Variants in PPP1R12B observed in about 807,000 individuals in gnomAD.
PPP1R12B encodes the protein myosin phosphatase target subunit 2.
Under a neutral mutation model 126.1 loss-of-function variants are expected in PPP1R12B, and 76 were observed. That is an observed-to-expected ratio of 0.60 (90% confidence interval 0.50 to 0.73). The LOEUF (loss-of-function observed/expected upper bound fraction) is 0.73, where lower values mean the gene tolerates loss of function less well. Ranked by LOEUF, PPP1R12B falls within the 30% of genes least tolerant of loss-of-function variation. The pLI, the probability that PPP1R12B is intolerant of heterozygous loss-of-function variation, is 0.00. For missense variants in PPP1R12B, 1,052 were observed against 1,205.1 expected, an observed-to-expected ratio of 0.87 and a Z score of 1.88; for synonymous variants, 356 against 434.7, an observed-to-expected ratio of 0.82 and a Z score of 2.25.
intron 13 of PPP1R12B, among the ~76,000 whole-genome samples, chr1:202,467,962 C>G (rs1184683970): frequency 6.6e-6 from 1 of 152,160 alleles, no homozygotes; most frequent in East Asian, 1.9e-4. Context: ...ATTTGCATTT[C>G]TCTGATGGCC....
chr1:202,354,065 G>C (rs72748756), intron 1 of PPP1R12B, among the ~76,000 whole-genome samples: 3 of 152,214 alleles, frequency 2.0e-5, no homozygotes, highest in African/African-American at 4.8e-5. Context: ...GACCAGTCTT[G>C]TTGTTAACAT....
At chr1:202,467,247 A>G (rs1449179772) in intron 13 of PPP1R12B, among the ~76,000 whole-genome samples, 2 of 148,226 alleles carry the variant, frequency 1.3e-5, no homozygotes, top group African/African-American at 5.0e-5. Flanking sequence ...ATTATACTTT[A>G]AGTTTTAGGG....
chr1:202,538,010 CAG>C (rs151089148), intron 18 of PPP1R12B, among the ~76,000 whole-genome samples: 4,642 of 152,220 alleles, frequency 0.03, 184 homozygotes, highest in African/African-American at 0.096. Context: ...GTTTTTGAGA[CAG>C]AGTTTTGTTC....
intron 1 of PPP1R12B, among the ~76,000 whole-genome samples, chr1:202,403,049 CTG>C (rs1470597729): frequency 6.6e-6 from 1 of 152,096 alleles, no homozygotes; most frequent in Non-Finnish European, 1.5e-5. Context: ...TTCAACTTTT[CTG>C]TGTTTGAACA....
intron 21 of PPP1R12B, among the ~76,000 whole-genome samples, chr1:202,564,748 T>A (rs1173227033): frequency 2.0e-5 from 3 of 152,194 alleles, no homozygotes; most frequent in Non-Finnish European, 4.4e-5. Context: ...GATAATTCAG[T>A]GAACAATTCC....
At chr1:202,390,350 A>C (rs1663937394) in intron 1 of PPP1R12B, among the ~76,000 whole-genome samples, 1 of 152,240 alleles carries the variant, frequency 6.6e-6, no homozygotes, top group African/African-American at 2.4e-5. Context: ...AATGTTTTCC[A>C]TGACCTCGGA....
chr1:202,438,494 C>T, intron 10 of PPP1R12B: 1 of 407,716 alleles, frequency 2.5e-6, no homozygotes. Context: ...GTGGAGGATG[C>T]AGAGGGCGAG....
chr1:202,501,772 C>G (rs1558307196), intron 18 of PPP1R12B: 2 of 850,018 alleles, frequency 2.4e-6, no homozygotes, highest in Non-Finnish European at 2.8e-6. Context: ...CAGGGAACCT[C>G]TTTGTTTGAC....
chr1:202,399,976 A>G (rs555214285), intron 1 of PPP1R12B, among the ~76,000 whole-genome samples: 1 of 151,966 alleles, frequency 6.6e-6, no homozygotes, highest in South Asian at 2.1e-4. Flanking sequence ...CCCAATAGTT[A>G]GTTTTTCATC....
chr1:202,549,569 G>C (rs1213010886), intron 18 of PPP1R12B, among the ~76,000 whole-genome samples: 1 of 151,830 alleles, frequency 6.6e-6, no homozygotes, highest in African/African-American at 2.4e-5. Context: ...ACAGGTGCCC[G>C]CCACCACACC....
In PPP1R12B at chr1:202,416,981, A is replaced by C. The variant is rs552836093; in HGVS notation, c.422+64A>C. The stretch of plus-strand genomic sequence containing the variant: ...TAGGAATAGCCTTCATTTCTCCTCT[A>C]TTCTTAGGAATTTGAATTTTATAAA... On this transcript the variant is annotated intron_variant, in intron 2 of 23. Transcript: ENST00000608999. The C allele has an allele frequency of 1.2e-4, 172 of 1,481,836 alleles. 1 individual carries two copies. In the African/African-American group the frequency reaches 2.3e-3, roughly 20 times the overall value. The allele number at this position is 1,481,836 out of a possible 1,614,324, so 91.8% of individuals were successfully genotyped here.
Position 202,545,401 on chromosome 1 carries a change from T to C in PPP1R12B, c.2491-13476T>C, listed in dbSNP as rs55696124. 4.4e-3 allele frequency among the ~76,000 whole-genome samples: 672 copies of C among 152,334 alleles called. 1 individual carries two copies. The highest frequency in any genetic ancestry group is 0.016 in the African/African-American group (648 of 41,578). ...CTGGGGGAGATGGCATCTGAATTCT[T>C]GGTTTGTTGACCAGAGAGACTGGGA... On this transcript the variant is annotated intron_variant, in intron 18 of 23. Coordinates refer to ENST00000608999, the MANE Select transcript of PPP1R12B (RefSeq NM_002481.4).
At chr1:202,413,333 T>C (rs1245327879) in intron 1 of PPP1R12B, among the ~76,000 whole-genome samples, 1 of 152,196 alleles carries the variant, frequency 6.6e-6, no homozygotes, top group Admixed American at 6.5e-5. Context: ...AGGATTGATA[T>C]GAGGTTTATC....
intron 1 of PPP1R12B, 68 bp downstream of exon 1, chr1:202,349,210 C>G (rs1227292230): frequency 6.4e-7 from 1 of 1,568,230 alleles, no homozygotes; most frequent in Non-Finnish European, 8.6e-7. Flanking sequence ...TGCGAGCCAC[C>G]CCATGGGGAG....
At chr1:202,523,452 C>G (rs556806324) in intron 18 of PPP1R12B, among the ~76,000 whole-genome samples, 14 of 152,252 alleles carry the variant, frequency 9.2e-5, no homozygotes, top group African/African-American at 2.9e-4. Flanking sequence ...ACAAAGATAT[C>G]TGAAGGAAGA....
rs1315291945 is a variant in PPP1R12B at position 202,589,978 on chromosome 1, G to A, written c.*9418G>A. ...CCTCAAGGAGAGGAGACAGGTGGAA[G>A]TGGGAACCGAAGAAGGAGTTTTACT... On this transcript the variant is annotated 3_prime_UTR_variant, in exon 24 of 24. Coordinates refer to ENST00000608999, the MANE Select transcript of PPP1R12B (RefSeq NM_002481.4). The A allele has an allele frequency of 6.6e-6, 1 of 152,252 alleles. No individual in the cohort carries two copies. The highest frequency in any genetic ancestry group is 1.5e-5 in the Non-Finnish European group (1 of 68,080). 9.4% of individuals were successfully genotyped at this position (152,252 alleles called of 1,614,324 possible). A position where few individuals can be genotyped will look rare whatever the true frequency, so the allele number is the denominator to read the frequency against.
Position 202,564,659 on chromosome 1 carries a change from TCGGGG to T in PPP1R12B, c.2757+114_2757+118del, listed in dbSNP as rs1687890997. 1.4e-5 allele frequency: 11 copies of T among 767,908 alleles called. No homozygotes were observed. In the Admixed American group the frequency reaches 3.1e-4, roughly 21 times the overall value. The allele number at this position is 767,908 out of a possible 1,614,324, so 47.6% of individuals were successfully genotyped here. A position where few individuals can be genotyped will look rare whatever the true frequency, so the allele number is the denominator to read the frequency against. On this transcript the variant is annotated intron_variant, in intron 21 of 23. Coordinates refer to ENST00000608999, the MANE Select transcript of PPP1R12B (RefSeq NM_002481.4). ...AAGATAGAGTCAAGATCAGGCCTTC[TCGGGG>T]CAATGAGATAGAAGCTTCTTAGATT...
At chr1:202,488,141 C>T (rs1436202879) in intron 13 of PPP1R12B, among the ~76,000 whole-genome samples, 1 of 152,208 alleles carries the variant, frequency 6.6e-6, no homozygotes, top group Admixed American at 6.5e-5. Context: ...ATTACTTGAA[C>T]ATAAACACCG....
rs1216004595 is a variant in PPP1R12B, at chr1:202,409,036, G to A, written c.292-7751G>A. Among the ~76,000 whole-genome samples the A allele has an allele frequency of 2.6e-4, 39 of 150,520 alleles. 1 individual carries two copies. The highest frequency in any genetic ancestry group is 9.3e-4 in the African/African-American group (38 of 41,012). On this transcript the variant is annotated intron_variant, in intron 1 of 23. Coordinates refer to ENST00000608999, the MANE Select transcript of PPP1R12B (RefSeq NM_002481.4). Reference sequence around the variant, plus strand: ...GTATTTTTAGTAGAGACAAGGTTTCGCCATGTTGCCCAGGCTGGTCTTGAA... The same window carrying A: ...GTATTTTTAGTAGAGACAAGGTTTCACCATGTTGCCCAGGCTGGTCTTGAA...
Sources: gnomAD v4.1 joint callset for allele counts (sites outside exome capture counted in the v4.1 genomes callset) on GRCh38, gnomAD v4.1.1 for gene constraint, MANE v1.5 for transcripts, NCBI Gene and HGNC (gene_info 2026-07-23, HGNC 2026-07-21) for gene names.